The following PTPN21 variants were observed in gnomAD, a reference collection of about 807,000 sequenced individuals.
The protein encoded by PTPN21 is tyrosine-protein phosphatase non-receptor type 21.
PTPN21 carries 77 observed loss-of-function variants against 131.8 expected under a neutral mutation model. That is an observed-to-expected ratio of 0.58 (90% CI 0.49 to 0.71). PTPN21 has a LOEUF of 0.71. PTPN21 is among the 30% of genes least tolerant of loss of function. The pLI is 0.00. For synonymous variants in PTPN21, 715 were observed against 621.3 expected (o/e 1.15, Z -2.24); for missense variants, 1,552 against 1,527.1 (o/e 1.02, Z -0.27).
intron 13 of PTPN21, among the ~76,000 whole-genome samples, chr14:88,476,347 T>C (rs539433048): frequency 6.6e-6 from 1 of 152,320 alleles, no homozygotes; most frequent in East Asian, 1.9e-4. Context: ...CTAATCTCTT[T>C]CAATGTGCCA....
chr14:88,536,084 A>T (rs1343205264), intron 2 of PTPN21, among the ~76,000 whole-genome samples: 1 of 152,202 alleles, frequency 6.6e-6, no homozygotes, highest in East Asian at 1.9e-4. Flanking sequence ...TGGTGATCAA[A>T]GCAAATTGAC....
Position 88,515,007 on chromosome 14 carries a change from TCTGA to T in PTPN21, c.350+2081_350+2084del, listed in dbSNP as rs1465684279. The T allele has an allele frequency of 8.5e-5, 13 of 152,298 alleles. No homozygotes were observed. In the East Asian group the frequency reaches 2.1e-3, roughly 25 times the overall value. 9.4% of individuals were successfully genotyped at this position (152,298 alleles called of 1,614,324 possible). On this transcript the variant is annotated intron_variant, in intron 3 of 18. Transcript: ENST00000556564. ...TTCCTAGGAAACCACTCATCTGCTT[TCTGA>T]CTATGGATGTAATAGACAGAACTCT...
rs57033194 is a variant in PTPN21, at chr14:88,501,815, C to CAA, written c.588-449_588-448dup. 9.8e-4 allele frequency among the ~76,000 whole-genome samples: 143 copies of CAA among 145,376 alleles called. 2 individuals carry two copies. Among genetic ancestry groups the CAA allele is most frequent in the African/African-American group, 3.4e-3 (135 of 39,496 alleles). On this transcript the variant is annotated intron_variant, in intron 6 of 18. Coordinates refer to ENST00000556564, the MANE Select transcript of PTPN21 (RefSeq NM_007039.4). ...GCAACATAGTGAGACCCTGTCACTA[C>CAA]AAAAAAAAAAATGTTTTAAATTAGC...
At chr14:88,530,677 TAAAAA>T (rs915744439) in intron 2 of PTPN21, among the ~76,000 whole-genome samples, 1 of 151,926 alleles carries the variant, frequency 6.6e-6, no homozygotes. Context: ...CAACGACACT[TAAAAA>T]AGACAAAGAG....
At chr14:88,539,071 A>C (rs2078667815) in intron 2 of PTPN21, among the ~76,000 whole-genome samples, 1 of 151,436 alleles carries the variant, frequency 6.6e-6, no homozygotes, top group Non-Finnish European at 1.5e-5. Flanking sequence ...TATCTTTGGG[A>C]ACTTTTCCTT....
intron 18 of PTPN21, 116 bp downstream of exon 18, chr14:88,468,800 T>C: frequency 7.6e-7 from 1 of 1,319,196 alleles, no homozygotes; most frequent in Non-Finnish European, 1.1e-6. Flanking sequence ...AGTAACATCT[T>C]GAGGCCACCA....
chr14:88,507,348 G>T (rs1460870496), intron 4 of PTPN21, among the ~76,000 whole-genome samples: 2 of 152,138 alleles, frequency 1.3e-5, no homozygotes, highest in Non-Finnish European at 2.9e-5. Flanking sequence ...ATCAGATTTT[G>T]TCACTGTGCA....
rs369022409 is a variant in PTPN21 at position 88,477,446 on chromosome 14, T to TCAAAAAAAAAA, written c.2511+1473_2511+1474insTTTTTTTTTTG. Reference sequence around the variant, plus strand: ...CCTGGGCAACAGGGCAAGACTGTTCTAAAAAAAAAAAAAAAAAAAAAAAAG... The same window carrying TCAAAAAAAAAA: ...CCTGGGCAACAGGGCAAGACTGTTCTCAAAAAAAAAAAAAAAAAAAAAAAAAAAAAAAAAAG... On this transcript the variant is annotated intron_variant, in intron 13 of 18. Transcript: ENST00000556564. Among the ~76,000 whole-genome samples, 59 of 76,378 alleles carry TCAAAAAAAAAA rather than the reference T, an allele frequency of 7.7e-4. 10 individuals are homozygous for TCAAAAAAAAAA. Among genetic ancestry groups the TCAAAAAAAAAA allele is most frequent in the East Asian group, 1.5e-3 (3 of 1,996 alleles). 50.1% of individuals were successfully genotyped at this position (76,378 alleles called of 152,430 possible). A position where few individuals can be genotyped will look rare whatever the true frequency, so the allele number is the denominator to read the frequency against.
rs527268136 is a variant in PTPN21, at chr14:88,549,989, T to C, written c.180+249A>G. Among the ~76,000 whole-genome samples the C allele has an allele frequency of 2.0e-5, 3 of 152,240 alleles. No individual in the cohort carries two copies. In the East Asian group the frequency reaches 5.8e-4, roughly 29 times the overall value. On this transcript the variant is annotated intron_variant, in intron 2 of 18. Transcript: ENST00000556564. ...TTAGTAGACATGGGGTTTCACCATATTGGCCAGGCTGGTCTCGAACTCCTG... is the reference window on the plus strand; with the variant it reads ...TTAGTAGACATGGGGTTTCACCATACTGGCCAGGCTGGTCTCGAACTCCTG...
chr14:88,477,540 G>GTACTATAA (rs1455992523), intron 13 of PTPN21, among the ~76,000 whole-genome samples: 3 of 147,024 alleles, frequency 2.0e-5, no homozygotes, highest in African/African-American at 7.5e-5. Flanking sequence ...TCTTTCATAA[G>GTACTATAA]TACTATAATA....
In PTPN21 at chr14:88,471,922, G is replaced by GAA. The variant is rs11456515; in HGVS notation, c.2871+320_2871+321dup. On this transcript the variant is annotated intron_variant, in intron 15 of 18. Coordinates refer to ENST00000556564, the MANE Select transcript of PTPN21 (RefSeq NM_007039.4). ...AGACTCTATCTCAAAAAAGGCAAAA[G>GAA]AAAAAAAAAAAAGCCGGGCAAATAA... 4.0e-4 allele frequency among the ~76,000 whole-genome samples: 57 copies of GAA among 142,012 alleles called. 1 individual carries two copies. The highest frequency in any genetic ancestry group is 2.3e-4 in the South Asian group (1 of 4,404). 93.2% of individuals were successfully genotyped at this position (142,012 alleles called of 152,430 possible).
intron 5 of PTPN21, 22 bp from the exon 6 acceptor site, chr14:88,504,517 A>G (rs2078059031): frequency 6.3e-7 from 1 of 1,585,016 alleles, no homozygotes. Flanking sequence ...ACACAGTGGT[A>G]AGTATGTGAC....
rs542123715 is a variant in PTPN21 at position 88,494,130 on chromosome 14, T to A, written c.932+2283A>T. Among the ~76,000 whole-genome samples, 10 of 151,294 alleles carry A rather than the reference T, an allele frequency of 6.6e-5. No homozygotes were observed. In the South Asian group the frequency reaches 1.9e-3, roughly 28 times the overall value. ...GAGACAGATCATAGTGGAAGGGGGG[T>A]ACCATAGGACAATCAGGGACAGCCT... On this transcript the variant is annotated intron_variant, in intron 10 of 18. Coordinates refer to ENST00000556564, the MANE Select transcript of PTPN21 (RefSeq NM_007039.4).
intron 2 of PTPN21, among the ~76,000 whole-genome samples, chr14:88,549,325 G>C (rs1306285087): frequency 1.3e-5 from 2 of 152,162 alleles, no homozygotes; most frequent in African/African-American, 4.8e-5. Flanking sequence ...ATGACCTTTG[G>C]GGGTATATTA....
intron 14 of PTPN21, 103 bp downstream of exon 14, chr14:88,473,558 ATTAT>A: frequency 7.4e-7 from 1 of 1,345,940 alleles, no homozygotes; most frequent in Middle Eastern, 1.8e-4. Flanking sequence ...ACACTCATTT[ATTAT>A]TAAATTGTGT....
At chr14:88,470,215 C>T in intron 15 of PTPN21, 165 bp from the exon 16 acceptor site, 2 of 652,600 alleles carry the variant, frequency 3.1e-6, no homozygotes, top group Middle Eastern at 4.2e-4. Context: ...TTCATCTTTT[C>T]CCTTGTGAAT....
chr14:88,533,952 C>T (rs1043678660), intron 2 of PTPN21, among the ~76,000 whole-genome samples: 2 of 152,108 alleles, frequency 1.3e-5, no homozygotes, highest in Admixed American at 1.3e-4. Context: ...ATGACAGAGC[C>T]ATGCATGTTA....
Position 88,473,719 on chromosome 14 carries a change from C to T in PTPN21, c.2595G>A (p.Val865=), listed in dbSNP as rs111560449. 792 of 1,613,038 alleles carry T rather than the reference C, an allele frequency of 4.9e-4. 5 individuals carry two copies. In the African/African-American group the frequency reaches 9.7e-3, roughly 20 times the overall value. The change falls in exon 14 of 19, where the codon GTG becomes GTA. Residue 865 remains valine, a synonymous_variant. Transcript: ENST00000556564. ...AALNGLSLSR[V]PLPDEGKEVA... is the part of the protein sequence containing the mutation. The stretch of plus-strand genomic sequence containing the variant: ...CTTCCTTTCCTTCATCAGGCAGAGG[C>T]ACTCGAGATAGGGAGAGTCCATTTA...
At chr14:88,516,156 C>T (rs1466552816) in intron 3 of PTPN21, among the ~76,000 whole-genome samples, 3 of 152,046 alleles carry the variant, frequency 2.0e-5, no homozygotes, top group East Asian at 3.9e-4. Context: ...ATCCTAATAA[C>T]AGGGTATGAC....
Sources: allele counts gnomAD v4.1 joint callset (sites outside exome capture counted in the v4.1 genomes callset), GRCh38; gene constraint gnomAD v4.1.1; transcripts MANE v1.5; gene names NCBI Gene and HGNC (gene_info 2026-07-23, HGNC 2026-07-21).